PDE11A: variants seen among roughly 807,000 people sequenced by gnomAD.
The protein encoded by PDE11A is phosphodiesterase 11A.
A neutral mutation model predicts 100.5 loss-of-function variants in PDE11A; 100 were observed. The observed-to-expected ratio is 1.00, with a 90% confidence interval of 0.85 to 1.18. The LOEUF (loss-of-function observed/expected upper bound fraction) is 1.18. Ranked by LOEUF, PDE11A falls within the 50% of genes most tolerant of loss-of-function variation. The pLI is 0.00. For missense variants in PDE11A, 1,141 were observed against 1,152.6 expected (o/e 0.99, Z 0.15); for synonymous variants, 381 against 420.8 (o/e 0.91, Z 1.16).
At position 177,810,322 on chromosome 2, in the gene PDE11A, G is replaced by T. The variant is rs141459399; in HGVS notation, c.1737+6507C>A. ...CCAATTATATATAGAATACTGAAAA[G>T]AATAAAAGCTAGATAAGACATGATC... On this transcript the variant is annotated intron_variant, in intron 9 of 19. Transcript: ENST00000286063. Among the ~76,000 whole-genome samples the T allele has an allele frequency of 2.5e-4, 38 of 152,172 alleles. No individual in the cohort carries two copies. The East Asian group carries it at 7.1e-3, about 29-fold the overall frequency.
intron 10 of PDE11A, among the ~76,000 whole-genome samples, chr2:177,756,164 T>C (rs57427125): frequency 0.054 from 8,144 of 152,194 alleles, 229 homozygotes; most frequent in Middle Eastern, 0.14. Context: ...GAGAAGCTTG[T>C]TTGCACCCCA....
intron 15 of PDE11A, 140 bp downstream of exon 15, chr2:177,697,192 A>T (rs544849600): frequency 1.8e-5 from 12 of 665,380 alleles, no homozygotes; most frequent in South Asian, 1.7e-4. Flanking sequence ...TATATCAGAG[A>T]GAAACAACAA....
chr2:177,933,068 CCACACA>C (rs58818826), intron 2 of PDE11A, among the ~76,000 whole-genome samples: 3 of 146,898 alleles, frequency 2.0e-5, no homozygotes, highest in Non-Finnish European at 4.5e-5. Flanking sequence ...TTTACAATAG[CCACACA>C]CACACACACA....
At chr2:177,790,575 A>G (rs1036382246) in intron 9 of PDE11A, among the ~76,000 whole-genome samples, 1 of 152,236 alleles carries the variant, frequency 6.6e-6, no homozygotes, top group African/African-American at 2.4e-5. Flanking sequence ...TGCACAGCAA[A>G]AGAAACTACT....
chr2:177,758,431 T>C (rs2082123919), intron 10 of PDE11A, among the ~76,000 whole-genome samples: 1 of 152,182 alleles, frequency 6.6e-6, no homozygotes, highest in Admixed American at 6.5e-5. Context: ...GTGGTGTCTT[T>C]GTGAACGTTA....
intron 12 of PDE11A, among the ~76,000 whole-genome samples, chr2:177,722,509 A>G (rs2081545473): frequency 6.6e-6 from 1 of 152,184 alleles, no homozygotes; most frequent in Non-Finnish European, 1.5e-5. Flanking sequence ...TATAAAATAA[A>G]TGTGGATAAA....
At position 178,090,325 on chromosome 2, in the gene PDE11A, C is replaced by T. The variant is rs149150044; in HGVS notation, c.162+13977G>A. On this transcript the variant is annotated intron_variant, in intron 2 of 20. Coordinates refer to the PDE11A transcript ENST00000358450. Reference sequence around the variant, plus strand: ...TTGCATTCATTTGCAAACTTTCTTCCAACTTTTATTTCTTTACAAGAAACA... The same window carrying T: ...TTGCATTCATTTGCAAACTTTCTTCTAACTTTTATTTCTTTACAAGAAACA... Among the ~76,000 whole-genome samples, 7 of 152,242 alleles carry T rather than the reference C, an allele frequency of 4.6e-5. No homozygotes were observed. In the East Asian group the frequency reaches 1.2e-3, roughly 25 times the overall value.
At chr2:178,004,756 A>G (rs1416119882) in intron 2 of PDE11A, among the ~76,000 whole-genome samples, 3 of 151,522 alleles carry the variant, frequency 2.0e-5, no homozygotes, top group African/African-American at 7.2e-5. Context: ...GAACGCAGCA[A>G]GCTCTCCTTA....
chr2:177,758,017 G>A (rs921219638), intron 10 of PDE11A, among the ~76,000 whole-genome samples: 8 of 151,814 alleles, frequency 5.3e-5, no homozygotes, highest in African/African-American at 1.2e-4. Flanking sequence ...GGCAAGGCAC[G>A]GTGGCTCACT....
chr2:177,763,218 A>G (rs950817143), intron 10 of PDE11A, among the ~76,000 whole-genome samples: 4 of 152,148 alleles, frequency 2.6e-5, no homozygotes, highest in African/African-American at 9.7e-5. Context: ...TGAAGGTTCA[A>G]TAACTTTCTC....
chr2:178,031,233 C>T (rs1339484796), intron 1 of PDE11A, among the ~76,000 whole-genome samples: 1 of 152,084 alleles, frequency 6.6e-6, no homozygotes, highest in Non-Finnish European at 1.5e-5. Context: ...AAACCTCATA[C>T]CTAATGATTA....
At chr2:177,952,064 T>TAACTTCTC (rs2085511537) in intron 2 of PDE11A, among the ~76,000 whole-genome samples, 3 of 151,932 alleles carry the variant, frequency 2.0e-5, no homozygotes, top group Admixed American at 6.6e-5. Flanking sequence ...ACTCACCTCC[T>TAACTTCTC]GCCACTTCTC....
At chr2:177,960,695 CTAATA>C (rs1407632400) in intron 2 of PDE11A, among the ~76,000 whole-genome samples, 2 of 152,250 alleles carry the variant, frequency 1.3e-5, no homozygotes, top group African/African-American at 4.8e-5. Context: ...GAAAACAAAT[CTAATA>C]TAACACATTA....
chr2:177,672,329 A>G (rs554260112), intron 17 of PDE11A, among the ~76,000 whole-genome samples: 4 of 152,360 alleles, frequency 2.6e-5, no homozygotes, highest in Admixed American at 2.6e-4. Context: ...CCTGATGTAC[A>G]TTGGACAGTG....
intron 1 of PDE11A, among the ~76,000 whole-genome samples, chr2:178,020,628 C>T (rs923447592): frequency 4.6e-5 from 7 of 152,066 alleles, no homozygotes; most frequent in Non-Finnish European, 8.8e-5. Context: ...CCCATCTCTA[C>T]TAAAAATACA....
chr2:177,934,653 A>ATAAAT (rs1157519629), intron 2 of PDE11A, among the ~76,000 whole-genome samples: 4 of 152,222 alleles, frequency 2.6e-5, no homozygotes, highest in Admixed American at 6.5e-5. Flanking sequence ...CCAAAAGAAA[A>ATAAAT]TAAATCATTC....
intron 9 of PDE11A, among the ~76,000 whole-genome samples, chr2:177,815,684 A>G (rs934315064): frequency 1.3e-5 from 2 of 152,220 alleles, no homozygotes; most frequent in African/African-American, 4.8e-5. Context: ...TTAGCCAGAA[A>G]ATTAAAAGCA....
chr2:177,994,123 G>A (rs1329507547), intron 2 of PDE11A, among the ~76,000 whole-genome samples: 1 of 151,850 alleles, frequency 6.6e-6, no homozygotes, highest in Non-Finnish European at 1.5e-5. Context: ...CAGACACAGG[G>A]TTTCACTATG....
chr2:177,820,354 C>A, intron 6 of PDE11A, 59 bp from the exon 7 acceptor site: 1 of 951,754 alleles, frequency 1.1e-6, no homozygotes. Flanking sequence ...TTTTGATTTA[C>A]ATTTTTTCCA....
Sources: gnomAD v4.1 joint callset for allele counts (sites outside exome capture counted in the v4.1 genomes callset) on GRCh38, gnomAD v4.1.1 for gene constraint, MANE v1.5 for transcripts, NCBI Gene and HGNC (gene_info 2026-07-23, HGNC 2026-07-21) for gene names.